Variants in FER1L5 observed in about 807,000 individuals in gnomAD.
FER1L5 encodes fer-1 like family member 5.
Under a neutral mutation model 279.9 loss-of-function variants are expected in FER1L5, and 187 were observed. The ratio of observed to expected loss-of-function variants is 0.67; its 90% CI spans 0.59 to 0.75. FER1L5 has a LOEUF of 0.75. Among genes scored for constraint, FER1L5 ranks in the 30% least tolerant of loss-of-function variants. FER1L5 has a pLI of 0.00. For missense variants in FER1L5, 2,091 were observed against 2,594.4 expected (o/e 0.81, Z 4.21); for synonymous variants, 921 against 989.7 (o/e 0.93, Z 1.30).
Position 96,651,976 on chromosome 2 carries a change from C to T in FER1L5, c.589C>T (p.His197Tyr), listed in dbSNP as rs978592611. The change falls in exon 7 of 53, where the codon CAC becomes TAC. Residue 197 changes from histidine to tyrosine, a missense_variant. Coordinates refer to ENST00000624922, the MANE Select transcript of FER1L5 (RefSeq NM_001293083.2). ...VVKVSIAGQQ[H>Y]QTRIKMGNNP... ...GAAGGTGTCCATCGCAGGCCAGCAGCACCAGACACGCATCAAGATGGGAAA... is the reference window on the plus strand; with the variant it reads ...GAAGGTGTCCATCGCAGGCCAGCAGTACCAGACACGCATCAAGATGGGAAA... The T allele has an allele frequency of 7.1e-6, 11 of 1,551,784 alleles. No homozygotes were observed. In the African/African-American group the frequency reaches 1.1e-4, roughly 15 times the overall value.
At chr2:96,677,797 G>A (rs554187838) in intron 19 of FER1L5, among the ~76,000 whole-genome samples, 13 of 151,712 alleles carry the variant, frequency 8.6e-5, no homozygotes, top group South Asian at 8.3e-4. Context: ...CCCAGGAGGC[G>A]GAGGTTGCAG....
intron 12 of FER1L5, 153 bp from the exon 13 acceptor site, chr2:96,662,061 AG>A (rs1309827034): frequency 1.2e-6 from 1 of 815,908 alleles, no homozygotes; most frequent in East Asian, 2.7e-5. Context: ...ATTGTGTGGA[AG>A]AAGAAGGGGC....
At position 96,662,224 on chromosome 2, in the gene FER1L5, A is replaced by G. The variant is rs1465170724; in HGVS notation, c.1028A>G (p.Gln343Arg). Residue 343 changes from glutamine (Q) to arginine (R), a missense_variant, in exon 13 of 53, where the codon CAG becomes CGG. Transcript: ENST00000624922. ...CAEDLHLKKHQSVNPQLEVEL... is the reference protein window; with the variant it reads ...CAEDLHLKKHRSVNPQLEVEL... ...AACTTGTTGTTCATAGAGAAACACC[A>G]GTCAGTGAATCCTCAGTTGGAGGTG... 3 of 1,551,508 alleles carry G rather than the reference A, an allele frequency of 1.9e-6. No individual in the cohort carries two copies. The highest frequency in any genetic ancestry group is 3.9e-5 in the Admixed American group (2 of 50,978).
chr2:96,647,432 C>T (rs547692890), intron 3 of FER1L5, among the ~76,000 whole-genome samples: 129 of 152,340 alleles, frequency 8.5e-4, no homozygotes, highest in African/African-American at 3.0e-3. Context: ...CTTCTTATCA[C>T]AGCCTCATCT....
At chr2:96,692,319 C>T (rs2077184665) in intron 31 of FER1L5, 138 bp downstream of exon 31, 1 of 891,816 alleles carries the variant, frequency 1.1e-6, no homozygotes, top group Admixed American at 2.2e-5. Context: ...TCACCAGCTG[C>T]AAGCCTTGTC....
At chr2:96,649,533 GTGTGAACCCAACCAGGC>G in intron 4 of FER1L5, 73 bp from the exon 5 acceptor site, 1 of 1,289,578 alleles carries the variant, frequency 7.8e-7, no homozygotes, top group Non-Finnish European at 1.1e-6. Flanking sequence ...GGAGGACCAG[GTGTGAACCCAACCAGGC>G]TGTGCAGGGC....
At position 96,700,362 on chromosome 2, in the gene FER1L5, G is replaced by A. The variant is rs1197742637; in HGVS notation, c.4961G>A (p.Gly1654Glu). The change falls in exon 45 of 53, where the codon GGA becomes GAA. Residue 1654 changes from glycine to glutamate, a missense_variant. Coordinates refer to ENST00000624922, the MANE Select transcript of FER1L5 (RefSeq NM_001293083.2). ...AAAACCCCTACTGTTCATGGTTTGG[G>A]ACCCAAGAAGGAACGCCTTGCACTG... ...EPKTPTVHGL[G>E]PKKERLALYL... is the part of the protein sequence containing the mutation. 3 of 1,613,464 alleles carry A rather than the reference G, an allele frequency of 1.9e-6. No individual in the cohort carries two copies. Among genetic ancestry groups the A allele is most frequent in the African/African-American group, 2.7e-5 (2 of 74,884 alleles).
Position 96,689,601 on chromosome 2 carries a change from C to G in FER1L5, c.2526-43C>G. ...CAGCAGAAGACGGCCCTAGGGGCTG[C>G]TTGGGGAGTTGTGCTGGGAACTTGG... is the stretch of plus-strand genomic sequence containing the variant. On this transcript the variant is annotated intron_variant, in intron 25 of 52. Transcript: ENST00000624922. This position sits in a 1 kb window ranked among gnomAD's most constrained non-coding sequence, Gnocchi z 4.6. 1 of 1,525,718 alleles carries G rather than the reference C, an allele frequency of 6.6e-7. No individual in the cohort carries two copies. The highest frequency in any genetic ancestry group is 8.9e-7 in the Non-Finnish European group (1 of 1,124,384). 94.5% of individuals were successfully genotyped at this position (1,525,718 alleles called of 1,614,324 possible). A position where few individuals can be genotyped will look rare whatever the true frequency, so the allele number is the denominator to read the frequency against.
intron 7 of FER1L5, chr2:96,653,195 C>G (rs575141197): frequency 3.6e-5 from 7 of 194,718 alleles, no homozygotes; most frequent in Admixed American, 2.5e-4. Flanking sequence ...GGTGACAGAG[C>G]GAGACTCCGC....
chr2:96,670,144 G>A lies in FER1L5; in HGVS notation c.1388G>A (p.Gly463Asp). ...TGTATTCCCGACTCTGTTAGGGATG[G>A]TTTAGCTTATCGAGGCCGAGTCTTC... The part of the protein sequence containing the change: ...GACIPDSVRD[G>D]LAYRGRVFLE... The change falls in exon 18 of 53, where the codon GGT becomes GAT. Residue 463 changes from glycine to aspartate, a missense_variant. Gly to Asp is a moderately conservative substitution (Grantham distance 94). Transcript: ENST00000624922. The A allele has an allele frequency of 1.3e-6, 2 of 1,551,628 alleles. No homozygotes were observed. The highest frequency in any genetic ancestry group is 8.7e-7 in the Non-Finnish European group (1 of 1,146,990).
chr2:96,666,318 C>G (rs1196401621), intron 14 of FER1L5, among the ~76,000 whole-genome samples: 2 of 150,960 alleles, frequency 1.3e-5, no homozygotes, highest in African/African-American at 4.9e-5. Context: ...TAAATCTGAA[C>G]TTGGAGGACT....
chr2:96,686,869 A>C (rs946076298), intron 23 of FER1L5, among the ~76,000 whole-genome samples: 11 of 151,432 alleles, frequency 7.3e-5, no homozygotes, highest in African/African-American at 2.4e-4. Flanking sequence ...AAAAAAAAAA[A>C]AAAAAAAAAA....
chr2:96,701,220 G>A (rs1361648388), intron 45 of FER1L5, among the ~76,000 whole-genome samples: 1 of 152,230 alleles, frequency 6.6e-6, no homozygotes, highest in Non-Finnish European at 1.5e-5. Context: ...TTAGGCACGA[G>A]AATCGCTTGA....
In FER1L5 at chr2:96,670,263, A is replaced by G; in HGVS notation, c.1491+16A>G. On this transcript the variant is annotated intron_variant, in intron 18 of 52. Coordinates refer to ENST00000624922, the MANE Select transcript of FER1L5 (RefSeq NM_001293083.2). The stretch of plus-strand genomic sequence containing the variant: ...CAGGATAGAGGTAACTGCGGGAAAC[A>G]GGTAACCCAGGGAAAAACAAGAGCC... The G allele has an allele frequency of 6.5e-7, 1 of 1,549,462 alleles. No individual in the cohort carries two copies. The highest frequency in any genetic ancestry group is 8.7e-7 in the Non-Finnish European group (1 of 1,145,488).
In FER1L5 at chr2:96,704,758, C is replaced by T. The variant is rs2077724245; in HGVS notation, c.*66C>T. On this transcript the variant is annotated 3_prime_UTR_variant, in exon 53 of 53. Coordinates refer to ENST00000624922, the MANE Select transcript of FER1L5 (RefSeq NM_001293083.2). Reference sequence around the variant, plus strand: ...CCTCCCCTTGGGCTGGCTACCAGTTCTTTGTTTCTATCTTCTAGAATATAT... The same window carrying T: ...CCTCCCCTTGGGCTGGCTACCAGTTTTTTGTTTCTATCTTCTAGAATATAT... 1 of 1,254,714 alleles carries T rather than the reference C, an allele frequency of 8.0e-7. No individual in the cohort carries two copies. The highest frequency in any genetic ancestry group is 1.5e-5 in the African/African-American group (1 of 67,018). The allele number at this position is 1,254,714 out of a possible 1,614,324, so 77.7% of individuals were successfully genotyped here.
rs1231412854 is a variant in FER1L5 at position 96,668,876 on chromosome 2, TTCTC to T, written c.1185-6_1185-3del. 2.6e-6 allele frequency: 4 copies of T among 1,551,398 alleles called. No homozygotes were observed. The highest frequency in any genetic ancestry group is 1.4e-5 in the African/African-American group (1 of 72,958). ...CGGGGGCTCAGCCTGAGGAGTGTGTTTCTCTCTAGCCGCAAGAAGGACTGCCCGG... is the reference window on the plus strand; with the variant it reads ...CGGGGGCTCAGCCTGAGGAGTGTGTTTCTAGCCGCAAGAAGGACTGCCCGG... On this transcript the variant is annotated splice_polypyrimidine_tract_variant and splice_region_variant and intron_variant, in intron 15 of 52. Coordinates refer to ENST00000624922, the MANE Select transcript of FER1L5 (RefSeq NM_001293083.2).
At chr2:96,645,251 GC>G (rs2075067512) in intron 1 of FER1L5, among the ~76,000 whole-genome samples, 1 of 152,220 alleles carries the variant, frequency 6.6e-6, no homozygotes, top group African/African-American at 2.4e-5. Context: ...CATGGATGGT[GC>G]TGGTCACACA....
At chr2:96,653,235 G>T (rs1249055214) in intron 7 of FER1L5, 2 of 224,006 alleles carry the variant, frequency 8.9e-6, no homozygotes, top group Admixed American at 1.2e-4. Context: ...TAGGAGCCCG[G>T]GAGGCCTCTG....
At chr2:96,701,905 T>G (rs1432603371) in intron 45 of FER1L5, 50 bp from the exon 46 acceptor site, 60 of 1,577,400 alleles carry the variant, frequency 3.8e-5, no homozygotes, top group Non-Finnish European at 4.7e-5. Context: ...GCCAGCCTGC[T>G]GAGAACAGAG....
Sources: allele counts gnomAD v4.1 joint callset (sites outside exome capture counted in the v4.1 genomes callset), GRCh38; gene constraint gnomAD v4.1.1; non-coding constraint Gnocchi (gnomAD v3.1); transcripts MANE v1.5; gene names NCBI Gene and HGNC (gene_info 2026-07-23, HGNC 2026-07-21).